The following TACC1 variants were observed in gnomAD, a reference collection of about 807,000 sequenced individuals.
TACC1 encodes the protein transforming acidic coiled-coil-containing protein 1.
In TACC1, 48 loss-of-function variants were observed where a neutral mutation model predicts 84.4. That is an observed-to-expected ratio of 0.57 (90% CI 0.45 to 0.72). TACC1 has a LOEUF of 0.72. Among genes scored for constraint, TACC1 ranks in the 30% least tolerant of loss-of-function variants. The pLI, the probability that TACC1 is intolerant of heterozygous loss-of-function variation, is 0.00. For missense variants in TACC1, 920 were observed against 973.0 expected (o/e 0.95, Z 0.72); for synonymous variants, 372 against 376.3 (o/e 0.99, Z 0.13).
intron 7 of TACC1, among the ~76,000 whole-genome samples, chr8:38,838,013 A>T (rs912773644): frequency 2.0e-5 from 3 of 152,264 alleles, no homozygotes; most frequent in Admixed American, 1.3e-4. Context: ...AAATCTCTAT[A>T]GAAAGAGAAT....
At chr8:38,790,428 A>T (rs1274293179) in intron 2 of TACC1, among the ~76,000 whole-genome samples, 1 of 152,188 alleles carries the variant, frequency 6.6e-6, no homozygotes, top group Non-Finnish European at 1.5e-5. Flanking sequence ...CTTTGAACAG[A>T]GGGATTGTGA....
At chr8:38,779,243 G>C (rs527622873) in intron 3 of TACC1, among the ~76,000 whole-genome samples, 1 of 152,192 alleles carries the variant, frequency 6.6e-6, no homozygotes, top group Non-Finnish European at 1.5e-5. Context: ...CAAAAGTGCT[G>C]GGATTATAGG....
At chr8:38,790,919 C>T (rs1051205938) in intron 2 of TACC1, among the ~76,000 whole-genome samples, 1 of 152,142 alleles carries the variant, frequency 6.6e-6, no homozygotes, top group African/African-American at 2.4e-5. Context: ...GTAGCACTCT[C>T]AGTGATGAAG....
intron 6 of TACC1, among the ~76,000 whole-genome samples, chr8:38,834,080 T>G (rs936070129): frequency 3.3e-5 from 5 of 152,206 alleles, no homozygotes; most frequent in Non-Finnish European, 5.9e-5. Flanking sequence ...AGCAAGTGTT[T>G]ATTATCTCAT....
At position 38,848,916 on chromosome 8, in the gene TACC1, C is replaced by G. The variant is rs977417663; in HGVS notation, c.*893C>G. ...CTGCCCTAGAGTCATTTACTCTCCT[C>G]TGCCTCCATTTGTTAATACAGAATC... On this transcript the variant is annotated 3_prime_UTR_variant, in exon 13 of 13. Coordinates refer to ENST00000317827, the MANE Select transcript of TACC1 (RefSeq NM_006283.3). 1 of 151,934 alleles carries G rather than the reference C, an allele frequency of 6.6e-6. No homozygotes were observed. The highest frequency in any genetic ancestry group is 1.5e-5 in the Non-Finnish European group (1 of 68,018). 9.4% of individuals were successfully genotyped at this position (151,934 alleles called of 1,614,324 possible).
At chr8:38,740,992 T>G (rs1395565414) in intron 1 of TACC1, among the ~76,000 whole-genome samples, 4 of 152,206 alleles carry the variant, frequency 2.6e-5, no homozygotes, top group Admixed American at 2.6e-4. Context: ...CTATATGGCC[T>G]CTAAGGACAG....
chr8:38,788,560 C>G (rs1179681794), intron 1 of TACC1, 144 bp from the exon 2 acceptor site: 9 of 623,166 alleles, frequency 1.4e-5, no homozygotes, highest in Non-Finnish European at 2.0e-5. Flanking sequence ...CAGTTGCCTC[C>G]CGCAGGTCAG....
At chr8:38,846,577 A>G (rs546186537) in intron 11 of TACC1, 122 bp from the exon 12 acceptor site, 87 of 1,190,286 alleles carry the variant, frequency 7.3e-5, no homozygotes, top group Non-Finnish European at 8.9e-5. Flanking sequence ...TTTTTCTCTC[A>G]TGCAGTCAAT....
chr8:38,844,844 T>C (rs1831913597), intron 11 of TACC1: 1 of 152,256 alleles, frequency 6.6e-6, no homozygotes, highest in Admixed American at 6.5e-5. Flanking sequence ...CATGTTTTAC[T>C]TACACTTTAT....
At chr8:38,777,615 C>G (rs1318951041) in intron 3 of TACC1, among the ~76,000 whole-genome samples, 3 of 151,492 alleles carry the variant, frequency 2.0e-5, no homozygotes, top group Non-Finnish European at 4.4e-5. Context: ...GACCCTGTTT[C>G]TACAAACAAA....
chr8:38,763,400 TC>T (rs1389019690), intron 3 of TACC1, among the ~76,000 whole-genome samples: 1 of 151,734 alleles, frequency 6.6e-6, no homozygotes, highest in South Asian at 2.1e-4. Context: ...CAAATAATTC[TC>T]CCCCCTCAGC....
chr8:38,799,368 A>C (rs547377861), intron 2 of TACC1, among the ~76,000 whole-genome samples: 2 of 152,356 alleles, frequency 1.3e-5, no homozygotes, highest in East Asian at 3.9e-4. Flanking sequence ...CTGATTGAGC[A>C]TCAGCTCTGT....
chr8:38,837,459 C>T (rs79740907), intron 7 of TACC1, among the ~76,000 whole-genome samples: 1,854 of 152,190 alleles, frequency 0.012, 39 homozygotes, highest in African/African-American at 0.043. Context: ...CAAGATCTCA[C>T]TCTGTCACCC....
At chr8:38,787,233 C>G, upstream of TACC1, 7 of 1,007,274 alleles carry the variant, frequency 6.9e-6, no homozygotes, top group Non-Finnish European at 8.3e-6. Context: ...GGCCGGGAGG[C>G]GGGAGTCCGC....
chr8:38,787,300 T>C lies in TACC1; in HGVS notation c.-283T>C. ...AGCCGGGCGCCGCGGGCCGGGGGCC[T>C]GAGGAGGCCACAGGACGGGCGTCTT... On this transcript the variant is annotated 5_prime_UTR_variant, in exon 1 of 13. Coordinates refer to ENST00000317827, the MANE Select transcript of TACC1 (RefSeq NM_006283.3). 1.7e-6 allele frequency: 2 copies of C among 1,161,950 alleles called. No homozygotes were observed. Among genetic ancestry groups the C allele is most frequent in the Non-Finnish European group, 2.1e-6 (2 of 941,946 alleles). The allele number at this position is 1,161,950 out of a possible 1,614,324, so 72.0% of individuals were successfully genotyped here.
intron 3 of TACC1, among the ~76,000 whole-genome samples, chr8:38,763,748 G>T (rs1485465942): frequency 6.6e-6 from 1 of 151,892 alleles, no homozygotes; most frequent in Non-Finnish European, 1.5e-5. Flanking sequence ...TTACTTTACT[G>T]AATTCAAAAA....
At chr8:38,833,989 C>T (rs1332763709) in intron 6 of TACC1, among the ~76,000 whole-genome samples, 1 of 152,190 alleles carries the variant, frequency 6.6e-6, no homozygotes, top group Non-Finnish European at 1.5e-5. Context: ...AAACAAGGCA[C>T]AGGAAGTTAG....
At chr8:38,790,316 C>T (rs1818343144) in intron 2 of TACC1, among the ~76,000 whole-genome samples, 1 of 152,162 alleles carries the variant, frequency 6.6e-6, no homozygotes, top group Admixed American at 6.5e-5. Context: ...TTGGTAACAT[C>T]TTCAGAGATA....
intron 1 of TACC1, among the ~76,000 whole-genome samples, chr8:38,736,198 G>A (rs1805922274): frequency 6.6e-6 from 1 of 152,108 alleles, no homozygotes; most frequent in South Asian, 2.1e-4. Context: ...TGCATTTAAG[G>A]CCCACCCAGA....
Sources: gnomAD v4.1 joint callset for allele counts (sites outside exome capture counted in the v4.1 genomes callset) on GRCh38, gnomAD v4.1.1 for gene constraint, MANE v1.5 for transcripts, NCBI Gene and HGNC (gene_info 2026-07-23, HGNC 2026-07-21) for gene names.